The following NRXN1 variants were observed in gnomAD, a reference collection of about 807,000 sequenced individuals.
The protein encoded by NRXN1 is neurexin-1.
NRXN1 carries 39 observed loss-of-function variants against 150.9 expected under a neutral mutation model. That is an observed-to-expected ratio of 0.26 (90% CI 0.20 to 0.34). The LOEUF is 0.34. NRXN1 is among the 10% of genes least tolerant of loss of function. NRXN1 has a pLI of 1.00. For synonymous variants in NRXN1, 924 were observed against 757.0 expected (o/e 1.22, Z -3.62); for missense variants, 1,815 against 1,949.9 (o/e 0.93, Z 1.30).
intron 2 of NRXN1, among the ~76,000 whole-genome samples, chr2:50,932,818 T>G (rs377428209): frequency 1.3e-5 from 2 of 151,946 alleles, no homozygotes; most frequent in African/African-American, 2.4e-5. Context: ...ATAGAATAAA[T>G]GAGTAAGAAG....
At chr2:50,081,574 T>C (rs997981082) in intron 19 of NRXN1, among the ~76,000 whole-genome samples, 4 of 152,184 alleles carry the variant, frequency 2.6e-5, no homozygotes, top group African/African-American at 9.7e-5. Flanking sequence ...AAACAACTTA[T>C]TCTTGAGCTT....
At chr2:50,431,453 A>G (rs768091452) in intron 17 of NRXN1, among the ~76,000 whole-genome samples, 9 of 152,334 alleles carry the variant, frequency 5.9e-5, no homozygotes, top group Non-Finnish European at 1.2e-4. Context: ...ATTTTTCAAG[A>G]TAAGAGAAAA....
intron 5 of NRXN1, among the ~76,000 whole-genome samples, chr2:50,910,831 C>T (rs1684413495): frequency 6.6e-6 from 1 of 151,918 alleles, no homozygotes; most frequent in Non-Finnish European, 1.5e-5. Flanking sequence ...AAGATTCAGT[C>T]TATCATTGGA....
intron 5 of NRXN1, among the ~76,000 whole-genome samples, chr2:50,793,631 T>C (rs1706380543): frequency 6.6e-6 from 1 of 152,104 alleles, no homozygotes; most frequent in Non-Finnish European, 1.5e-5. Flanking sequence ...AAGAGGCAGC[T>C]GAAGAGATGT....
At chr2:50,267,065 G>C (rs922294185) in intron 17 of NRXN1, among the ~76,000 whole-genome samples, 3 of 152,160 alleles carry the variant, frequency 2.0e-5, no homozygotes, top group African/African-American at 7.2e-5. Flanking sequence ...AGGCTACTGT[G>C]ATTCTGTTTT....
At chr2:50,870,630 A>T (rs959237574) in intron 5 of NRXN1, among the ~76,000 whole-genome samples, 1 of 151,918 alleles carries the variant, frequency 6.6e-6, no homozygotes, top group Non-Finnish European at 1.5e-5. Flanking sequence ...TGAGCTTGTA[A>T]CCCATGTGTT....
chr2:50,662,783 G>A (rs751133627), intron 5 of NRXN1, among the ~76,000 whole-genome samples: 9 of 151,966 alleles, frequency 5.9e-5, no homozygotes, highest in Non-Finnish European at 1.3e-4. Context: ...TTCTGTATCA[G>A]AGAGTAAGGT....
chr2:50,499,765 T>C (rs1363247695), intron 13 of NRXN1, among the ~76,000 whole-genome samples: 2 of 151,844 alleles, frequency 1.3e-5, no homozygotes, highest in Admixed American at 1.3e-4. Flanking sequence ...CTGGCCAACA[T>C]GGTGAAACTC....
chr2:50,018,413 A>G (rs1686993679), intron 21 of NRXN1, among the ~76,000 whole-genome samples: 2 of 152,160 alleles, frequency 1.3e-5, no homozygotes, highest in African/African-American at 2.4e-5. Flanking sequence ...TGGGGGACCA[A>G]TGGAATATTC....
At chr2:50,817,744 A>G (rs1293266815) in intron 5 of NRXN1, among the ~76,000 whole-genome samples, 1 of 152,094 alleles carries the variant, frequency 6.6e-6, no homozygotes, top group Admixed American at 6.6e-5. Context: ...TTAGTAGAAT[A>G]AAGAGTGATC....
chr2:50,487,962 T>A (rs929535654), intron 15 of NRXN1, among the ~76,000 whole-genome samples: 14 of 152,184 alleles, frequency 9.2e-5, no homozygotes, highest in African/African-American at 3.4e-4. Context: ...ACTCCCTATG[T>A]ATAAACAAAG....
chr2:50,560,239 T>C (rs1275911746), intron 8 of NRXN1, among the ~76,000 whole-genome samples: 3 of 152,112 alleles, frequency 2.0e-5, no homozygotes, highest in South Asian at 4.1e-4. Context: ...GAGAGACTAA[T>C]AGGATTTTAG....
intron 5 of NRXN1, among the ~76,000 whole-genome samples, chr2:50,629,312 G>T (rs1051607848): frequency 6.6e-6 from 1 of 151,468 alleles, no homozygotes; most frequent in Non-Finnish European, 1.5e-5. Context: ...AACTGCAACA[G>T]AAATACAGAT....
intron 17 of NRXN1, among the ~76,000 whole-genome samples, chr2:50,423,927 C>T (rs1012396779): frequency 6.6e-6 from 1 of 151,992 alleles, no homozygotes; most frequent in African/African-American, 2.4e-5. Flanking sequence ...GTCCAACAGC[C>T]ATGAGGTGAG....
chr2:50,444,730 A>G (rs1023807861), intron 17 of NRXN1, among the ~76,000 whole-genome samples: 1 of 152,208 alleles, frequency 6.6e-6, no homozygotes, highest in African/African-American at 2.4e-5. Context: ...GATGAATAAC[A>G]TATCAAAATT....
At chr2:50,224,295 T>C (rs1262470022) in intron 18 of NRXN1, among the ~76,000 whole-genome samples, 1 of 152,008 alleles carries the variant, frequency 6.6e-6, no homozygotes, top group Non-Finnish European at 1.5e-5. Flanking sequence ...ACTATCTGTA[T>C]GATTTTGGTC....
chr2:50,054,278 G>A (rs1016950412), intron 20 of NRXN1, among the ~76,000 whole-genome samples: 6 of 151,834 alleles, frequency 4.0e-5, no homozygotes, highest in African/African-American at 7.3e-5. Flanking sequence ...TGTAAAAAGC[G>A]GCTTCAGGAA....
intron 17 of NRXN1, among the ~76,000 whole-genome samples, chr2:50,420,504 C>T (rs45546238): frequency 0.057 from 8,609 of 151,964 alleles, 325 homozygotes; most frequent in Non-Finnish European, 0.082. Flanking sequence ...ATTTTTGCTG[C>T]TATTAGTGGA....
At chr2:50,348,992 T>C (rs1215177654) in intron 17 of NRXN1, among the ~76,000 whole-genome samples, 1 of 152,316 alleles carries the variant, frequency 6.6e-6, no homozygotes, top group South Asian at 2.1e-4. Flanking sequence ...AAGATTTGAT[T>C]CAAATCAGCT....
Sources: allele counts gnomAD v4.1 joint callset (sites outside exome capture counted in the v4.1 genomes callset), GRCh38; gene constraint gnomAD v4.1.1; transcripts MANE v1.5; gene names NCBI Gene and HGNC (gene_info 2026-07-23, HGNC 2026-07-21).